The following SPATA1 variants were observed in gnomAD, a reference collection of about 807,000 sequenced individuals.
SPATA1 encodes spermatogenesis associated 1.
A neutral mutation model predicts 59.6 loss-of-function variants in SPATA1; 57 were observed. The observed-to-expected ratio is 0.96, with a 90% CI of 0.77 to 1.19. The LOEUF (loss-of-function observed/expected upper bound fraction) is 1.19. Among genes scored for constraint, SPATA1 ranks in the 50% most tolerant of loss-of-function variants. The probability of loss-of-function intolerance (pLI) is 0.00; values close to 1 mark genes in which losing one functional copy is unlikely to be tolerated. For missense variants in SPATA1, 448 were observed against 480.7 expected (o/e 0.93, Z 0.64); for synonymous variants, 147 against 163.9 (o/e 0.90, Z 0.79).
chr1:84,529,565 A>G (rs1354069933), intron 6 of SPATA1, among the ~76,000 whole-genome samples: 1 of 147,630 alleles, frequency 6.8e-6, no homozygotes, highest in East Asian at 2.0e-4. Context: ...GGAAGAATGC[A>G]GGTAATATGC....
At chr1:84,509,259 A>G (rs1682427573) in intron 1 of SPATA1, among the ~76,000 whole-genome samples, 1 of 152,094 alleles carries the variant, frequency 6.6e-6, no homozygotes, top group African/African-American at 2.4e-5. Context: ...ACCCAGAAAC[A>G]AATTCATTCA....
chr1:84,513,878 G>A (rs1682682866), intron 1 of SPATA1, among the ~76,000 whole-genome samples: 1 of 125,898 alleles, frequency 7.9e-6, no homozygotes, highest in Non-Finnish European at 1.6e-5. Flanking sequence ...GTCTCACTCT[G>A]TCACCCAGGC....
chr1:84,520,361 C>T (rs981607657), intron 2 of SPATA1: 3 of 422,008 alleles, frequency 7.1e-6, no homozygotes, highest in African/African-American at 4.2e-5. Flanking sequence ...AATCTCATAG[C>T]CACATCTATA....
intron 6 of SPATA1, among the ~76,000 whole-genome samples, chr1:84,532,271 A>AT (rs1294502881): frequency 6.6e-6 from 1 of 152,188 alleles, no homozygotes; most frequent in African/African-American, 2.4e-5. Context: ...CAAGGTGGGC[A>AT]TATCACCTGA....
At chr1:84,551,595 A>G (rs1684273705) in intron 12 of SPATA1, 1 of 152,148 alleles carries the variant, frequency 6.6e-6, no homozygotes, top group Non-Finnish European at 1.5e-5. Flanking sequence ...ACTGGCTTCT[A>G]CTATACTGGA....
chr1:84,548,354 T>A (rs1017861861), intron 10 of SPATA1, among the ~76,000 whole-genome samples: 2 of 151,202 alleles, frequency 1.3e-5, no homozygotes, highest in South Asian at 2.1e-4. Context: ...TTTGGATCAG[T>A]TTTCCATAAT....
chr1:84,554,031 C>T (rs1252854746), exon 13 of SPATA1: 1 of 152,060 alleles, frequency 6.6e-6, no homozygotes, highest in East Asian at 1.9e-4. Context: ...AATCCCAGCT[C>T]TTTAGGAAGC....
At chr1:84,563,518 A>G (rs1256584301) in intron 4 of SPATA1, 34 of 875,322 alleles carry the variant, frequency 3.9e-5, no homozygotes, top group Non-Finnish European at 4.9e-5. Flanking sequence ...AACATATACC[A>G]TAGAAAACCT....
chr1:84,561,363 C>T (rs752970293), intron 4 of SPATA1, among the ~76,000 whole-genome samples: 23 of 152,084 alleles, frequency 1.5e-4, no homozygotes, highest in Non-Finnish European at 2.8e-4. Context: ...GCTACAATCT[C>T]GTGATAAAAT....
chr1:84,561,423 C>T (rs1334483556), intron 4 of SPATA1, among the ~76,000 whole-genome samples: 2 of 152,206 alleles, frequency 1.3e-5, no homozygotes, highest in Non-Finnish European at 2.9e-5. Flanking sequence ...AAAGTAGTTT[C>T]TTGAGAATGG....
intron 10 of SPATA1, among the ~76,000 whole-genome samples, chr1:84,548,485 AAT>A (rs1306186082): frequency 6.8e-6 from 1 of 148,086 alleles, no homozygotes; most frequent in African/African-American, 2.5e-5. Flanking sequence ...TTGCTTTTAT[AAT>A]ATATATTACT....
intron 1 of SPATA1, among the ~76,000 whole-genome samples, chr1:84,512,105 A>T (rs570219203): frequency 1.2e-4 from 18 of 152,202 alleles, no homozygotes; most frequent in African/African-American, 4.3e-4. Flanking sequence ...CATAATCTGA[A>T]TTTATCCTGA....
chr1:84,507,536 T>C (rs1208913999), intron 1 of SPATA1, among the ~76,000 whole-genome samples: 1 of 152,212 alleles, frequency 6.6e-6, no homozygotes, highest in Non-Finnish European at 1.5e-5. Context: ...TGAAATGACA[T>C]TATATGTAAA....
intron 1 of SPATA1, among the ~76,000 whole-genome samples, chr1:84,514,309 G>A (rs920579530): frequency 3.3e-5 from 5 of 152,126 alleles, no homozygotes; most frequent in African/African-American, 1.2e-4. Context: ...AAATGATAAA[G>A]GGAGTTCTTA....
At chr1:84,552,478 G>A (rs1684304057) in intron 12 of SPATA1, 1 of 151,900 alleles carries the variant, frequency 6.6e-6, no homozygotes, top group Admixed American at 6.6e-5. Context: ...TTTATCTTGA[G>A]CAAGTTACTT....
chr1:84,545,701 A>C, exon 10 of SPATA1: 1 of 1,540,464 alleles, frequency 6.5e-7, no homozygotes, highest in Non-Finnish European at 8.7e-7. Context: ...GAAATAGAGA[A>C]GAACTAGTAA....
Position 84,548,802 on chromosome 1 carries a change from G to GA in SPATA1, c.969dup (p.Tyr324IlefsTer27), listed in dbSNP as rs1029718624. ...TTTTTATAGCCTACAATGGTTGGAA[G>GA]AAAAAATACTTGGAAACAAAGAAAG... On this transcript the variant is annotated frameshift_variant, in exon 11 of 13. Transcript: ENST00000490879. LOFTEE classifies it high-confidence loss of function. 1.5e-6 allele frequency: 1 copy of GA among 685,688 alleles called. No individual in the cohort carries two copies. The highest frequency in any genetic ancestry group is 2.8e-5 in the African/African-American group (1 of 36,274). 42.5% of individuals were successfully genotyped at this position (685,688 alleles called of 1,614,324 possible). A position where few individuals can be genotyped will look rare whatever the true frequency, so the allele number is the denominator to read the frequency against.
chr1:84,552,371 A>T (rs1272572121), intron 12 of SPATA1: 2 of 152,194 alleles, frequency 1.3e-5, no homozygotes, highest in African/African-American at 4.8e-5. Flanking sequence ...ACTGATGCTA[A>T]TGCTGCTGTC....
intron 4 of SPATA1, among the ~76,000 whole-genome samples, chr1:84,562,130 C>T (rs1335074361): frequency 6.6e-6 from 1 of 152,158 alleles, no homozygotes; most frequent in Non-Finnish European, 1.5e-5. Flanking sequence ...TTATGTATTA[C>T]AGCACTTCTC....
Sources: gnomAD v4.1 joint callset for allele counts (sites outside exome capture counted in the v4.1 genomes callset) on GRCh38, gnomAD v4.1.1 for gene constraint, MANE v1.5 for transcripts, NCBI Gene and HGNC (gene_info 2026-07-23, HGNC 2026-07-21) for gene names.